Variants in MDGA2 observed in about 807,000 individuals in gnomAD.
MDGA2 encodes MAM domain-containing glycosylphosphatidylinositol anchor protein 2.
Under a neutral mutation model 117.8 loss-of-function variants are expected in MDGA2, and 40 were observed. The ratio of observed to expected loss-of-function variants is 0.34; its 90% CI spans 0.26 to 0.44. The LOEUF (loss-of-function observed/expected upper bound fraction) is 0.44, where lower values mean the gene tolerates loss of function less well. MDGA2 is among the 20% of genes least tolerant of loss of function. The pLI, the probability that MDGA2 is intolerant of heterozygous loss-of-function variation, is 1.00. For synonymous variants in MDGA2, 452 were observed against 439.0 expected, an observed-to-expected ratio of 1.03 and a Z score of -0.37; for missense variants, 1,123 against 1,250.6, an observed-to-expected ratio of 0.90 and a Z score of 1.54.
chr14:47,196,171 A>G (rs1885282400), intron 3 of MDGA2, among the ~76,000 whole-genome samples: 1 of 152,178 alleles, frequency 6.6e-6, no homozygotes, highest in Non-Finnish European at 1.5e-5. Context: ...AAATGGAACT[A>G]GAATACCTTA....
chr14:47,274,138 C>G (rs962082872), intron 2 of MDGA2, among the ~76,000 whole-genome samples: 1 of 151,946 alleles, frequency 6.6e-6, no homozygotes, highest in Non-Finnish European at 1.5e-5. Context: ...CACGTGGTTG[C>G]GCAACCATCA....
At chr14:47,314,250 C>T (rs927814378) in intron 1 of MDGA2, among the ~76,000 whole-genome samples, 1 of 152,088 alleles carries the variant, frequency 6.6e-6, no homozygotes, top group Non-Finnish European at 1.5e-5. Flanking sequence ...TTAATGGAAC[C>T]ATGTCCCACC....
chr14:47,285,330 GA>G (rs1888635381), intron 2 of MDGA2, among the ~76,000 whole-genome samples: 1 of 150,712 alleles, frequency 6.6e-6, no homozygotes, highest in African/African-American at 2.4e-5. Context: ...CTACTAAATT[GA>G]TTTTTTTTCC....
intron 7 of MDGA2, among the ~76,000 whole-genome samples, chr14:47,059,768 G>GCCAAA (rs1889814818): frequency 6.6e-6 from 1 of 151,944 alleles, no homozygotes; most frequent in Non-Finnish European, 1.5e-5. Flanking sequence ...AAAAAACCCA[G>GCCAAA]CCAAACCAAA....
intron 1 of MDGA2, among the ~76,000 whole-genome samples, chr14:47,604,570 T>C (rs1403105782): frequency 6.9e-6 from 1 of 143,906 alleles, no homozygotes; most frequent in Non-Finnish European, 1.5e-5. Context: ...CTTCAAGTGA[T>C]CCTCTAGTCT....
At chr14:46,935,290 C>T (rs112185029) in intron 9 of MDGA2, among the ~76,000 whole-genome samples, 4 of 152,156 alleles carry the variant, frequency 2.6e-5, no homozygotes, top group African/African-American at 4.8e-5. Context: ...TTATAGGCAC[C>T]GTGAGCACAC....
intron 1 of MDGA2, among the ~76,000 whole-genome samples, chr14:47,315,768 C>T (rs58079461): frequency 2.8e-4 from 42 of 152,118 alleles, no homozygotes; most frequent in African/African-American, 9.1e-4. Flanking sequence ...CTCCCAAATA[C>T]CAACATTACA....
chr14:47,260,304 T>G (rs1056841183), intron 2 of MDGA2, among the ~76,000 whole-genome samples: 2 of 152,090 alleles, frequency 1.3e-5, no homozygotes, highest in Admixed American at 6.6e-5. Flanking sequence ...TGAGATACCC[T>G]AGCACTATAA....
At chr14:47,607,623 G>A (rs1312275881) in intron 1 of MDGA2, among the ~76,000 whole-genome samples, 3 of 152,114 alleles carry the variant, frequency 2.0e-5, no homozygotes, top group African/African-American at 7.2e-5. Context: ...GGCATAGAGG[G>A]CAGGGGGTTA....
At chr14:47,244,929 A>G (rs1887188566) in intron 2 of MDGA2, among the ~76,000 whole-genome samples, 2 of 151,882 alleles carry the variant, frequency 1.3e-5, no homozygotes, top group South Asian at 4.2e-4. Context: ...CTACTCAATG[A>G]GAAAACAAAG....
chr14:47,005,111 T>A (rs1054405104), intron 8 of MDGA2, among the ~76,000 whole-genome samples: 1 of 151,618 alleles, frequency 6.6e-6, no homozygotes, highest in Non-Finnish European at 1.5e-5. Flanking sequence ...TGTCTTATTG[T>A]AATAGCTAGA....
chr14:47,507,167 A>G (rs1008321890), intron 1 of MDGA2, among the ~76,000 whole-genome samples: 3 of 152,168 alleles, frequency 2.0e-5, no homozygotes, highest in African/African-American at 7.2e-5. Flanking sequence ...AAAAGAGAAC[A>G]GAGAGATAAA....
intron 8 of MDGA2, among the ~76,000 whole-genome samples, chr14:46,985,033 C>CAGCAGTAAAAGAAGAATAGAGTAG (rs1886812621): frequency 6.6e-6 from 1 of 151,920 alleles, no homozygotes; most frequent in African/African-American, 2.4e-5. Flanking sequence ...GAGAATTAGA[C>CAGCAGTAAAAGAAGAATAGAGTAG]AGCAGTAAAA....
At chr14:47,472,916 A>G (rs544286777) in intron 1 of MDGA2, among the ~76,000 whole-genome samples, 2 of 152,064 alleles carry the variant, frequency 1.3e-5, no homozygotes, top group South Asian at 2.1e-4. Flanking sequence ...AAAAAACTCA[A>G]AAATGTTACT....
chr14:47,162,413 C>T (rs2139281712), intron 3 of MDGA2, among the ~76,000 whole-genome samples: 1 of 152,228 alleles, frequency 6.6e-6, no homozygotes, highest in African/African-American at 2.4e-5. Flanking sequence ...TCCTGAGTTG[C>T]TGTCTTCTTC....
chr14:47,106,287 T>C (rs1441714784), intron 5 of MDGA2, among the ~76,000 whole-genome samples: 4 of 152,170 alleles, frequency 2.6e-5, no homozygotes, highest in African/African-American at 9.6e-5. Flanking sequence ...CACAACAGGA[T>C]TTAATTAACC....
chr14:47,025,020 A>T (rs76249119), intron 8 of MDGA2, among the ~76,000 whole-genome samples: 2,620 of 152,288 alleles, frequency 0.017, 76 homozygotes, highest in African/African-American at 0.058. Context: ...ACAGCAGTTC[A>T]CAAAAGATGA....
intron 1 of MDGA2, among the ~76,000 whole-genome samples, chr14:47,335,283 G>GT (rs1202118605): frequency 1.4e-4 from 13 of 95,830 alleles, no homozygotes; most frequent in African/African-American, 3.5e-4. Flanking sequence ...AAAGTATATG[G>GT]TAAAAAAAAA....
intron 5 of MDGA2, among the ~76,000 whole-genome samples, chr14:47,100,266 T>C (rs1341687164): frequency 2.6e-5 from 4 of 152,118 alleles, no homozygotes; most frequent in Non-Finnish European, 1.5e-5. Context: ...AGCACTTGTG[T>C]AGGTAAGTGA....
Sources: gnomAD v4.1 joint callset for allele counts (sites outside exome capture counted in the v4.1 genomes callset) on GRCh38, gnomAD v4.1.1 for gene constraint, MANE v1.5 for transcripts, NCBI Gene and HGNC (gene_info 2026-07-23, HGNC 2026-07-21) for gene names.